The following AHCYL2 variants were observed in gnomAD, a reference collection of about 807,000 sequenced individuals.
AHCYL2 encodes the protein S-adenosylhomocysteine hydrolase-like protein 2.
AHCYL2 carries 28 observed loss-of-function variants against 81.4 expected under a neutral mutation model. The observed-to-expected ratio is 0.34, with a 90% confidence interval of 0.25 to 0.47. The LOEUF is 0.47. Among genes scored for constraint, AHCYL2 ranks in the 20% least tolerant of loss-of-function variants. AHCYL2 has a pLI of 1.00. For synonymous variants in AHCYL2, 272 were observed against 290.2 expected, an observed-to-expected ratio of 0.94 and a Z score of 0.64; for missense variants, 551 against 785.1, an observed-to-expected ratio of 0.70 and a Z score of 3.56.
At chr7:129,397,121 C>A in intron 4 of AHCYL2, 101 bp from the exon 5 acceptor site, 2 of 989,604 alleles carry the variant, frequency 2.0e-6, no homozygotes, top group Non-Finnish European at 1.5e-6. Flanking sequence ...TGGCTTAAGT[C>A]ATTCCCGTTG....
At chr7:129,301,342 C>T (rs1370094513) in intron 1 of AHCYL2, among the ~76,000 whole-genome samples, 1 of 152,090 alleles carries the variant, frequency 6.6e-6, no homozygotes, top group African/African-American at 2.4e-5. Context: ...GTTTCCTTTG[C>T]TGTGTAGAAG....
At chr7:129,277,176 T>A (rs1261654893) in intron 1 of AHCYL2, among the ~76,000 whole-genome samples, 5 of 152,166 alleles carry the variant, frequency 3.3e-5, no homozygotes, top group Non-Finnish European at 7.3e-5. Context: ...ACTGCAGATA[T>A]TTAAAGGTTA....
rs188536939 is a variant in AHCYL2, at chr7:129,345,883, G to C, written c.364-33755G>C. 5.8e-3 allele frequency among the ~76,000 whole-genome samples: 879 copies of C among 152,080 alleles called. 8 individuals carry two copies. The highest frequency in any genetic ancestry group is 0.02 in the African/African-American group (830 of 41,486). On this transcript the variant is annotated intron_variant, in intron 1 of 16. Transcript: ENST00000325006. ...ATCCTAGAGGAGGAAGAGCAGGTTT[G>C]GGGGGGTAAGATGATGAGTTCAGTT... is the stretch of plus-strand genomic sequence containing the variant.
At chr7:129,382,464 G>A (rs372064492) in intron 2 of AHCYL2, among the ~76,000 whole-genome samples, 3 of 152,168 alleles carry the variant, frequency 2.0e-5, no homozygotes, top group East Asian at 1.9e-4. Context: ...GCCAGGCGTC[G>A]TGGCGCATGC....
chr7:129,389,308 A>G, intron 3 of AHCYL2, 109 bp downstream of exon 3: 2 of 1,348,370 alleles, frequency 1.5e-6, no homozygotes, highest in Non-Finnish European at 2.1e-6. Flanking sequence ...CTATGTGATA[A>G]GAATACTTAT....
chr7:129,339,777 C>T (rs1648935915), intron 1 of AHCYL2, among the ~76,000 whole-genome samples: 1 of 151,984 alleles, frequency 6.6e-6, no homozygotes, highest in Non-Finnish European at 1.5e-5. Context: ...GTGATTTTCC[C>T]ACCTCAGCCT....
At chr7:129,225,478 G>A in intron 1 of AHCYL2, 39 bp downstream of exon 1, 1 of 1,470,804 alleles carries the variant, frequency 6.8e-7, no homozygotes, top group Non-Finnish European at 8.9e-7. Flanking sequence ...GAGGAAGGGA[G>A]GGGAGGGGAA....
At chr7:129,245,099 A>G (rs1209574279) in intron 1 of AHCYL2, among the ~76,000 whole-genome samples, 5 of 144,894 alleles carry the variant, frequency 3.5e-5, no homozygotes, top group African/African-American at 1.3e-4. Context: ...GTCTCGGCTC[A>G]CTGCAGTCTC....
intron 1 of AHCYL2, among the ~76,000 whole-genome samples, chr7:129,341,203 A>C (rs953561068): frequency 6.6e-6 from 1 of 152,250 alleles, no homozygotes; most frequent in Non-Finnish European, 1.5e-5. Flanking sequence ...TTAGCAAAGA[A>C]TAGAAATTTT....
At chr7:129,370,505 T>C (rs12706875) in intron 1 of AHCYL2, among the ~76,000 whole-genome samples, 54,954 of 152,026 alleles carry the variant, frequency 0.36, 11,682 homozygotes, top group Non-Finnish European at 0.49. Context: ...AAGATCATCC[T>C]GGCTAACACA....
intron 1 of AHCYL2, among the ~76,000 whole-genome samples, chr7:129,314,545 G>A (rs971293984): frequency 6.6e-6 from 1 of 152,192 alleles, no homozygotes; most frequent in East Asian, 1.9e-4. Context: ...CCACTTCCTG[G>A]TTCATAGAGA....
intron 2 of AHCYL2, among the ~76,000 whole-genome samples, chr7:129,383,888 A>G (rs1795082675): frequency 6.6e-6 from 1 of 152,180 alleles, no homozygotes; most frequent in African/African-American, 2.4e-5. Flanking sequence ...CTTCTCACTG[A>G]ATCCTATCCT....
At chr7:129,275,318 C>G (rs945456110) in intron 1 of AHCYL2, among the ~76,000 whole-genome samples, 1 of 152,186 alleles carries the variant, frequency 6.6e-6, no homozygotes, top group Non-Finnish European at 1.5e-5. Flanking sequence ...AGGAGAATCT[C>G]ATGAACCCGG....
intron 1 of AHCYL2, among the ~76,000 whole-genome samples, chr7:129,366,969 C>T (rs185285876): frequency 7.5e-4 from 114 of 152,140 alleles, no homozygotes; most frequent in African/African-American, 2.6e-3. Flanking sequence ...TTTGGAAAGG[C>T]GAGACATCTG....
chr7:129,271,927 C>T (rs1021822974), intron 1 of AHCYL2, among the ~76,000 whole-genome samples: 1 of 152,144 alleles, frequency 6.6e-6, no homozygotes, highest in Non-Finnish European at 1.5e-5. Context: ...ACATGTGCAC[C>T]ACCCCCATCT....
intron 12 of AHCYL2, among the ~76,000 whole-genome samples, chr7:129,418,936 A>G (rs1796985466): frequency 6.6e-6 from 1 of 152,228 alleles, no homozygotes; most frequent in Non-Finnish European, 1.5e-5. Flanking sequence ...TTGGATGCAC[A>G]CTATGAGAAA....
chr7:129,321,766 G>GT (rs1315391980), intron 1 of AHCYL2, among the ~76,000 whole-genome samples: 14 of 107,468 alleles, frequency 1.3e-4, no homozygotes, highest in East Asian at 5.8e-4. Flanking sequence ...TTTTTTTTTG[G>GT]TCTTGGTTTT....
chr7:129,273,046 G>A (rs77062479), intron 1 of AHCYL2, among the ~76,000 whole-genome samples: 1 of 151,018 alleles, frequency 6.6e-6, no homozygotes, highest in African/African-American at 2.4e-5. Flanking sequence ...GATTACAGGT[G>A]CCCGCCATGA....
intron 1 of AHCYL2, among the ~76,000 whole-genome samples, chr7:129,239,146 C>T (rs181886044): frequency 8.3e-4 from 127 of 152,210 alleles, no homozygotes; most frequent in Middle Eastern, 3.4e-3. Context: ...ATCTGATAAA[C>T]GTGTAAATCA....
Sources: gnomAD v4.1 joint callset for allele counts (sites outside exome capture counted in the v4.1 genomes callset) on GRCh38, gnomAD v4.1.1 for gene constraint, MANE v1.5 for transcripts, NCBI Gene and HGNC (gene_info 2026-07-23, HGNC 2026-07-21) for gene names.